PTPRM: variants seen among roughly 807,000 people sequenced by gnomAD.
PTPRM encodes the protein protein tyrosine phosphatase receptor type M.
Under a neutral mutation model 186.7 loss-of-function variants are expected in PTPRM, and 47 were observed. The ratio of observed to expected loss-of-function variants is 0.25; its 90% CI spans 0.20 to 0.32. The LOEUF is 0.32. Ranked by LOEUF, PTPRM falls within the 10% of genes least tolerant of loss-of-function variation. The probability of loss-of-function intolerance (pLI) is 1.00; values close to 1 mark genes in which losing one functional copy is unlikely to be tolerated. For missense variants in PTPRM, 1,494 were observed against 1,865.0 expected, an observed-to-expected ratio of 0.80 and a Z score of 3.66; for synonymous variants, 668 against 674.9, an observed-to-expected ratio of 0.99 and a Z score of 0.16.
chr18:8,295,899 G>C (rs2147876342), intron 19 of PTPRM, among the ~76,000 whole-genome samples: 1 of 152,248 alleles, frequency 6.6e-6, no homozygotes, highest in South Asian at 2.1e-4. Flanking sequence ...TTTTAGCCTG[G>C]AAGTCATAAA....
At chr18:8,054,505 G>A (rs1488932495) in intron 7 of PTPRM, among the ~76,000 whole-genome samples, 1 of 150,826 alleles carries the variant, frequency 6.6e-6, no homozygotes, top group Non-Finnish European at 1.5e-5. Flanking sequence ...TTATCCTATG[G>A]CTATCTGTAT....
chr18:7,867,183 T>C (rs2047750915), intron 2 of PTPRM, among the ~76,000 whole-genome samples: 1 of 152,226 alleles, frequency 6.6e-6, no homozygotes, highest in Non-Finnish European at 1.5e-5. Context: ...AATTGGGGCA[T>C]TTAGCCCATT....
At chr18:8,314,212 A>G (rs2095291118) in intron 20 of PTPRM, among the ~76,000 whole-genome samples, 1 of 152,080 alleles carries the variant, frequency 6.6e-6, no homozygotes, top group African/African-American at 2.4e-5. Flanking sequence ...CCTTCTCCAG[A>G]TGAGGAGGCT....
intron 5 of PTPRM, chr18:7,946,791 T>A (rs1027706802): frequency 4.3e-5 from 16 of 372,376 alleles, no homozygotes; most frequent in Non-Finnish European, 7.9e-5. Context: ...AAAGATAATG[T>A]TGATGGAACT....
intron 14 of PTPRM, among the ~76,000 whole-genome samples, chr18:8,213,135 A>G (rs142261856): frequency 3.3e-5 from 5 of 152,060 alleles, no homozygotes; most frequent in African/African-American, 1.2e-4. Context: ...AGTCATGAAC[A>G]TTTCATCATA....
chr18:8,132,650 A>G (rs2092539851), intron 13 of PTPRM, among the ~76,000 whole-genome samples: 1 of 152,186 alleles, frequency 6.6e-6, no homozygotes, highest in Non-Finnish European at 1.5e-5. Flanking sequence ...TACAATCATG[A>G]CAAATTACCT....
intron 4 of PTPRM, among the ~76,000 whole-genome samples, chr18:7,920,154 A>G (rs1189404731): frequency 6.6e-6 from 1 of 152,080 alleles, no homozygotes; most frequent in African/African-American, 2.4e-5. Context: ...CAGCCTCTCT[A>G]TGCCTTTTAA....
intron 23 of PTPRM, among the ~76,000 whole-genome samples, chr18:8,370,064 A>T (rs936816478): frequency 6.6e-6 from 1 of 152,114 alleles, no homozygotes; most frequent in Non-Finnish European, 1.5e-5. Flanking sequence ...ACAGGAATAG[A>T]TGAAAATGCC....
chr18:7,920,646 G>A (rs1450919176), intron 4 of PTPRM, among the ~76,000 whole-genome samples: 1 of 152,152 alleles, frequency 6.6e-6, no homozygotes, highest in African/African-American at 2.4e-5. Context: ...CAGCTGCAGT[G>A]TTAGAATATT....
intron 29 of PTPRM, among the ~76,000 whole-genome samples, chr18:8,383,014 A>T (rs1294317234): frequency 6.6e-6 from 1 of 152,130 alleles, no homozygotes; most frequent in African/African-American, 2.4e-5. Context: ...TAAAAGTTAG[A>T]TGCGGCCAGG....
At chr18:7,655,551 A>G (rs914043982) in intron 1 of PTPRM, among the ~76,000 whole-genome samples, 1 of 152,210 alleles carries the variant, frequency 6.6e-6, no homozygotes, top group South Asian at 2.1e-4. Flanking sequence ...TCTGCTCCTA[A>G]GTTTTTGTCA....
intron 1 of PTPRM, among the ~76,000 whole-genome samples, chr18:7,588,653 A>G (rs914521556): frequency 2.6e-5 from 4 of 152,326 alleles, no homozygotes; most frequent in African/African-American, 9.6e-5. Flanking sequence ...AAATGCTCAC[A>G]AAAACAAATT....
chr18:8,185,508 G>C (rs545942107), intron 14 of PTPRM, among the ~76,000 whole-genome samples: 1 of 152,354 alleles, frequency 6.6e-6, no homozygotes, highest in South Asian at 2.1e-4. Context: ...CTGCCTCCTG[G>C]TAGTTGTCTC....
intron 2 of PTPRM, among the ~76,000 whole-genome samples, chr18:7,779,466 G>A (rs1219824849): frequency 1.3e-5 from 2 of 152,304 alleles, no homozygotes; most frequent in African/African-American, 2.4e-5. Context: ...CACTCTGTGT[G>A]ATGACCCAGA....
chr18:8,202,921 C>G (rs930203223), intron 14 of PTPRM, among the ~76,000 whole-genome samples: 1 of 152,182 alleles, frequency 6.6e-6, no homozygotes. Flanking sequence ...CTCCACAGGC[C>G]TCCTCTTCTT....
intron 7 of PTPRM, among the ~76,000 whole-genome samples, chr18:7,987,312 T>C (rs562311066): frequency 2.4e-4 from 37 of 152,346 alleles, no homozygotes; most frequent in Non-Finnish European, 5.0e-4. Flanking sequence ...GACTTGGTTA[T>C]GATGATGTTA....
chr18:7,804,379 T>A (rs143623329), intron 2 of PTPRM, among the ~76,000 whole-genome samples: 2 of 152,262 alleles, frequency 1.3e-5, no homozygotes, highest in East Asian at 1.9e-4. Context: ...AGGCCGGAGT[T>A]AATAGTTGAC....
intron 1 of PTPRM, among the ~76,000 whole-genome samples, chr18:7,662,821 A>G (rs1276190195): frequency 6.6e-6 from 1 of 152,204 alleles, no homozygotes; most frequent in Non-Finnish European, 1.5e-5. Flanking sequence ...CATGTATCCC[A>G]TAAATATATA....
chr18:7,780,946 G>A (rs1441218846), intron 2 of PTPRM, among the ~76,000 whole-genome samples: 2 of 152,088 alleles, frequency 1.3e-5, no homozygotes, highest in East Asian at 3.9e-4. Flanking sequence ...GACCACATAG[G>A]ACCCTGAAAG....
Sources: gnomAD v4.1 joint callset for allele counts (sites outside exome capture counted in the v4.1 genomes callset) on GRCh38, gnomAD v4.1.1 for gene constraint, MANE v1.5 for transcripts, NCBI Gene and HGNC (gene_info 2026-07-23, HGNC 2026-07-21) for gene names.